Variants in DAB1 observed in about 807,000 individuals in gnomAD.
DAB1 encodes disabled homolog 1.
DAB1 carries 15 observed loss-of-function variants against 64.6 expected under a neutral mutation model. That is an observed-to-expected ratio of 0.23 (90% CI 0.16 to 0.36). The LOEUF (loss-of-function observed/expected upper bound fraction) is 0.36, where lower values mean the gene tolerates loss of function less well. Ranked by LOEUF, DAB1 falls within the 10% of genes least tolerant of loss-of-function variation. The pLI is 1.00. For missense variants in DAB1, 596 were observed against 706.7 expected (o/e 0.84, Z 1.78); for synonymous variants, 235 against 251.9 (o/e 0.93, Z 0.64).
At position 57,215,238 on chromosome 1, in the gene DAB1, G is replaced by A. The variant is rs114988274; in HGVS notation, c.68-69809C>T. Among the ~76,000 whole-genome samples, 259 of 152,192 alleles carry A rather than the reference G, an allele frequency of 1.7e-3. 1 individual carries two copies. The highest frequency in any genetic ancestry group is 6.0e-3 in the African/African-American group (250 of 41,522). ...ATATTAGTTTGATGTGAAAAGTGTTGGGAAAAAGCAATGTTTTCCAAATCA... is the reference window on the plus strand; with the variant it reads ...ATATTAGTTTGATGTGAAAAGTGTTAGGAAAAAGCAATGTTTTCCAAATCA... On this transcript the variant is annotated intron_variant, in intron 2 of 14. Transcript: ENST00000371236.
chr1:57,363,466 G>A (rs550604872), intron 1 of DAB1, among the ~76,000 whole-genome samples: 1 of 151,974 alleles, frequency 6.6e-6, no homozygotes, highest in South Asian at 2.1e-4. Context: ...CCATTAAATG[G>A]GGAGCAGGTG....
chr1:57,803,712 G>C (rs545990885), intron 6 of DAB1, among the ~76,000 whole-genome samples: 1 of 152,316 alleles, frequency 6.6e-6, no homozygotes, highest in African/African-American at 2.4e-5. Flanking sequence ...TCTAGAACTA[G>C]ACCTTGAAAA....
At chr1:57,377,097 C>T (rs546486256) in intron 1 of DAB1, among the ~76,000 whole-genome samples, 12 of 152,110 alleles carry the variant, frequency 7.9e-5, no homozygotes, top group East Asian at 3.9e-4. Context: ...TGGTGAAACC[C>T]CATCTCTACT....
At chr1:57,289,112 T>A (rs1283864452) in intron 2 of DAB1, among the ~76,000 whole-genome samples, 1 of 152,174 alleles carries the variant, frequency 6.6e-6, no homozygotes, top group Non-Finnish European at 1.5e-5. Flanking sequence ...AGAGTTTTTT[T>A]AGGACATGAA....
At chr1:57,918,640 C>T (rs1351122084) in intron 5 of DAB1, among the ~76,000 whole-genome samples, 3 of 152,052 alleles carry the variant, frequency 2.0e-5, no homozygotes, top group Non-Finnish European at 4.4e-5. Context: ...CTGGCTAACA[C>T]AGTGAAACCC....
intron 6 of DAB1, among the ~76,000 whole-genome samples, chr1:57,781,124 CTCTATATATATATATA>C (rs1375267580): frequency 4.1e-3 from 160 of 38,878 alleles, no homozygotes; most frequent in South Asian, 7.5e-3. Flanking sequence ...CTCTCTCTCT[CTCTATATATATATATA>C]TATATATATA....
At chr1:57,328,441 CTG>C in intron 1 of DAB1, among the ~76,000 whole-genome samples, 1 of 152,262 alleles carries the variant, frequency 6.6e-6, no homozygotes, top group East Asian at 1.9e-4. Flanking sequence ...TGGAGGTAGA[CTG>C]TGGTTTCCTA....
At chr1:58,506,006 A>G in intron 3 of DAB1, 2 of 788,730 alleles carry the variant, frequency 2.5e-6, no homozygotes, top group South Asian at 3.2e-5. Context: ...TGACAGCATT[A>G]AAAATAAATG....
rs186034791 is a variant in DAB1 at position 57,945,597 on chromosome 1, C to A, written n.388-61435G>T. Among the ~76,000 whole-genome samples the A allele has an allele frequency of 1.5e-3, 226 of 152,214 alleles. 1 individual carries two copies. The highest frequency in any genetic ancestry group is 4.7e-3 in the African/African-American group (195 of 41,534). ...ACTTGGCCTGTTTTATTATTAATAG[C>A]AGTTCTACTGAATGAGAGGTTGATA... On this transcript the variant is annotated intron_variant and non_coding_transcript_variant, in intron 5 of 20. Coordinates refer to the DAB1 transcript ENST00000485760.
intron 1 of DAB1, chr1:57,863,084 C>T (rs1479348056): frequency 2.0e-5 from 3 of 152,044 alleles, no homozygotes; most frequent in Admixed American, 6.6e-5. Flanking sequence ...CAATTAAGTA[C>T]TAAATAGCAA....
intron 5 of DAB1, among the ~76,000 whole-genome samples, chr1:58,016,862 G>T (rs1000112710): frequency 6.6e-6 from 1 of 152,104 alleles, no homozygotes; most frequent in African/African-American, 2.4e-5. Context: ...GATCCTTGAC[G>T]TACAATAGAT....
chr1:57,303,022 T>C (rs1377685734), intron 1 of DAB1, among the ~76,000 whole-genome samples: 1 of 152,146 alleles, frequency 6.6e-6, no homozygotes, highest in Non-Finnish European at 1.5e-5. Flanking sequence ...TAAGTGCTGG[T>C]GGAAAGCAGA....
intron 1 of DAB1, among the ~76,000 whole-genome samples, chr1:57,836,275 T>A (rs892778205): frequency 5.9e-5 from 9 of 152,216 alleles, no homozygotes. Flanking sequence ...ATATAGCTAA[T>A]CTGAGGTAAA....
At chr1:57,115,304 T>G (rs1431360757) in intron 4 of DAB1, among the ~76,000 whole-genome samples, 2 of 152,172 alleles carry the variant, frequency 1.3e-5, no homozygotes, top group African/African-American at 4.8e-5. Flanking sequence ...TCTCATATAT[T>G]AAATCACACT....
intron 1 of DAB1, among the ~76,000 whole-genome samples, chr1:57,383,971 T>C (rs1423582256): frequency 6.6e-6 from 1 of 151,878 alleles, no homozygotes; most frequent in African/African-American, 2.4e-5. Context: ...TAATAAGTGG[T>C]AAGAAAAAAT....
chr1:57,794,300 CA>C (rs1156500739), intron 6 of DAB1, among the ~76,000 whole-genome samples: 1 of 152,136 alleles, frequency 6.6e-6, no homozygotes. Context: ...GGGTAAAGTC[CA>C]AACTCCTCAG....
intron 5 of DAB1, among the ~76,000 whole-genome samples, chr1:58,100,761 C>T (rs1444795853): frequency 6.6e-6 from 1 of 152,172 alleles, no homozygotes; most frequent in Non-Finnish European, 1.5e-5. Context: ...GGATTTTTCT[C>T]TGATTCATTG....
At chr1:58,139,224 T>C (rs1020148439) in intron 5 of DAB1, among the ~76,000 whole-genome samples, 1 of 152,154 alleles carries the variant, frequency 6.6e-6, no homozygotes, top group East Asian at 1.9e-4. Context: ...CCCAAGATAC[T>C]TCATGGGCTC....
intron 1 of DAB1, among the ~76,000 whole-genome samples, chr1:57,384,800 G>T (rs907514802): frequency 2.0e-5 from 3 of 152,118 alleles, no homozygotes; most frequent in Non-Finnish European, 2.9e-5. Context: ...AAAAGTTCTG[G>T]AGATTGGTTG....
Sources: allele counts gnomAD v4.1 joint callset (sites outside exome capture counted in the v4.1 genomes callset), GRCh38; gene constraint gnomAD v4.1.1; transcripts MANE v1.5; gene names NCBI Gene and HGNC (gene_info 2026-07-23, HGNC 2026-07-21).